The following CRB1 variants were observed in gnomAD, a reference collection of about 807,000 sequenced individuals.
CRB1 encodes the protein protein crumbs homolog 1.
Under a neutral mutation model 120.0 loss-of-function variants are expected in CRB1, and 83 were observed. The observed-to-expected ratio is 0.69, with a 90% confidence interval of 0.58 to 0.83. The LOEUF (loss-of-function observed/expected upper bound fraction) is 0.83. Among genes scored for constraint, CRB1 ranks in the 40% least tolerant of loss-of-function variants. The pLI, the probability that CRB1 is intolerant of heterozygous loss-of-function variation, is 0.00. For synonymous variants in CRB1, 625 were observed against 612.5 expected (o/e 1.02, Z -0.30); for missense variants, 1,699 against 1,687.6 (o/e 1.01, Z -0.12).
At chr1:197,212,697 A>G in the CRB1 span, among the ~76,000 whole-genome samples, 5 of 152,302 alleles carry the variant, frequency 3.3e-5, no homozygotes, top group Middle Eastern at 3.4e-3. Context: ...CAGGGTGTAC[A>G]TATGTCATAA....
the CRB1 span, among the ~76,000 whole-genome samples, chr1:197,260,167 GAGAGGA>G: frequency 8.1e-5 from 12 of 148,962 alleles, no homozygotes; most frequent in African/African-American, 2.5e-4. Context: ...GAAAGAGAGA[GAGAGGA>G]AGAGGAAGAG....
At chr1:197,212,118 A>C in the CRB1 span, among the ~76,000 whole-genome samples, 1 of 152,228 alleles carries the variant, frequency 6.6e-6, no homozygotes, top group Non-Finnish European at 1.5e-5. Context: ...GTATAAAGAC[A>C]AACAATATCA....
At chr1:197,398,963 A>G (rs1385945111) in intron 5 of CRB1, among the ~76,000 whole-genome samples, 1 of 128,046 alleles carries the variant, frequency 7.8e-6, no homozygotes, top group South Asian at 2.4e-4. Context: ...TATATATGTG[A>G]CTATATATAT....
intron 5 of CRB1, among the ~76,000 whole-genome samples, chr1:197,385,976 T>A (rs1019667434): frequency 2.8e-4 from 43 of 152,054 alleles, no homozygotes; most frequent in African/African-American, 1.0e-3. Context: ...ACTATCCATT[T>A]CCCAGCAAAG....
At chr1:197,248,809 A>G in the CRB1 span, among the ~76,000 whole-genome samples, 4 of 151,954 alleles carry the variant, frequency 2.6e-5, no homozygotes, top group Non-Finnish European at 4.4e-5. Flanking sequence ...ACTCTGATAC[A>G]GAATTAAAAA....
the CRB1 span, among the ~76,000 whole-genome samples, chr1:197,258,964 G>A: frequency 1.2e-4 from 19 of 152,104 alleles, 1 homozygote; most frequent in South Asian, 4.1e-4. Context: ...CAATTATCCC[G>A]TCATTAACTT....
At chr1:197,310,946 T>C (rs1321095078) in intron 1 of CRB1, among the ~76,000 whole-genome samples, 1 of 152,206 alleles carries the variant, frequency 6.6e-6, no homozygotes, top group African/African-American at 2.4e-5. Flanking sequence ...CACTAATGAA[T>C]ATTTTGATGA....
the CRB1 span, among the ~76,000 whole-genome samples, chr1:197,229,915 G>T: frequency 6.6e-6 from 1 of 152,174 alleles, no homozygotes; most frequent in African/African-American, 2.4e-5. Context: ...AAGTCTATGG[G>T]AGTTATGGAA....
the CRB1 span, among the ~76,000 whole-genome samples, chr1:197,243,166 C>G: frequency 6.6e-6 from 1 of 151,892 alleles, no homozygotes; most frequent in Non-Finnish European, 1.5e-5. Context: ...TTTTTCATGT[C>G]TCTATCACCT....
chr1:197,237,172 A>T, the CRB1 span, among the ~76,000 whole-genome samples: 103 of 152,214 alleles, frequency 6.8e-4, 1 homozygote, highest in East Asian at 0.018. Context: ...ATTTCAGAAG[A>T]TTATTAATTA....
At chr1:197,320,267 A>T (rs1658113707) in intron 1 of CRB1, among the ~76,000 whole-genome samples, 1 of 152,136 alleles carries the variant, frequency 6.6e-6, no homozygotes, top group African/African-American at 2.4e-5. Flanking sequence ...CTTCATATAC[A>T]CTATGATTTC....
chr1:197,242,806 G>A, the CRB1 span, among the ~76,000 whole-genome samples: 3 of 151,898 alleles, frequency 2.0e-5, no homozygotes, highest in African/African-American at 4.8e-5. Context: ...CTGTTCCTGC[G>A]CTTTTTTTGG....
At chr1:197,204,031 T>A in the CRB1 span, among the ~76,000 whole-genome samples, 1 of 152,158 alleles carries the variant, frequency 6.6e-6, no homozygotes, top group East Asian at 1.9e-4. Context: ...CACTTATGAG[T>A]GAGAACATAT....
intron 1 of CRB1, among the ~76,000 whole-genome samples, chr1:197,326,168 G>A (rs938549148): frequency 6.6e-6 from 1 of 152,172 alleles, no homozygotes; most frequent in African/African-American, 2.4e-5. Flanking sequence ...GGCTTTGACA[G>A]TTAATACTCA....
At chr1:197,338,967 G>T (rs1659307783) in intron 2 of CRB1, among the ~76,000 whole-genome samples, 1 of 152,106 alleles carries the variant, frequency 6.6e-6, no homozygotes, top group East Asian at 1.9e-4. Flanking sequence ...AAAATGTGAG[G>T]GAGTAAAAAA....
intron 5 of CRB1, among the ~76,000 whole-genome samples, chr1:197,406,172 T>C (rs1663381506): frequency 6.6e-6 from 1 of 152,206 alleles, no homozygotes; most frequent in Non-Finnish European, 1.5e-5. Context: ...AATCGGATGG[T>C]TGCCTTGTCT....
chr1:197,334,292 T>C (rs1277584655), intron 2 of CRB1, among the ~76,000 whole-genome samples: 1 of 152,220 alleles, frequency 6.6e-6, no homozygotes, highest in African/African-American at 2.4e-5. Context: ...AGCAGGCTTT[T>C]ATATAAAGCA....
At position 197,319,001 on chromosome 1, in the gene CRB1, A is replaced by T. The variant is rs183821321; in HGVS notation, c.71-9421A>T. Among the ~76,000 whole-genome samples the T allele has an allele frequency of 4.6e-5, 7 of 152,222 alleles. No homozygotes were observed. The East Asian group carries it at 1.4e-3, about 29-fold the overall frequency. ...TTTTTGAACTCATTACAAGCAAATG[A>T]TAAATGTTATCAGAAATTGACTTTT... On this transcript the variant is annotated intron_variant, in intron 1 of 11. Transcript: ENST00000367400.
At chr1:197,353,819 A>T (rs1292423531) in intron 4 of CRB1, among the ~76,000 whole-genome samples, 9 of 150,506 alleles carry the variant, frequency 6.0e-5, no homozygotes, top group East Asian at 1.9e-4. Context: ...ATAAATAAAA[A>T]AAAAAAAAAA....
Sources: allele counts gnomAD v4.1 joint callset (sites outside exome capture counted in the v4.1 genomes callset), GRCh38; gene constraint gnomAD v4.1.1; transcripts MANE v1.5; gene names NCBI Gene and HGNC (gene_info 2026-07-23, HGNC 2026-07-21).